Variants in ZNF385D observed in about 807,000 individuals in gnomAD.
ZNF385D encodes the protein zinc finger protein 659.
Under a neutral mutation model 35.8 loss-of-function variants are expected in ZNF385D, and 15 were observed. That is an observed-to-expected ratio of 0.42 (90% CI 0.28 to 0.64). The LOEUF is 0.64. Ranked by LOEUF, ZNF385D falls within the 30% of genes least tolerant of loss-of-function variation. ZNF385D has a pLI of 0.23. For synonymous variants in ZNF385D, 212 were observed against 186.8 expected (o/e 1.13, Z -1.10); for missense variants, 474 against 494.6 (o/e 0.96, Z 0.39).
chr3:22,030,665 T>G (rs1300332000), intron 3 of ZNF385D, among the ~76,000 whole-genome samples: 1 of 152,034 alleles, frequency 6.6e-6, no homozygotes, highest in East Asian at 1.9e-4. Context: ...GAGATTCAGG[T>G]GGTGACACAA....
intron 2 of ZNF385D, among the ~76,000 whole-genome samples, chr3:21,627,555 C>CTA (rs1218058094): frequency 6.6e-6 from 1 of 152,084 alleles, no homozygotes; most frequent in African/African-American, 2.4e-5. Context: ...CCCTGAAATT[C>CTA]TATACTCCTC....
intron 2 of ZNF385D, among the ~76,000 whole-genome samples, chr3:22,334,384 A>T (rs191426137): frequency 4.3e-4 from 65 of 152,276 alleles, no homozygotes; most frequent in African/African-American, 1.5e-3. Flanking sequence ...CTAATATGTT[A>T]GTTCCATTTA....
chr3:21,822,754 T>G (rs536646982), intron 3 of ZNF385D, among the ~76,000 whole-genome samples: 2 of 151,634 alleles, frequency 1.3e-5, no homozygotes, highest in South Asian at 4.2e-4. Flanking sequence ...GGAAAAGAAA[T>G]AAAGTATAAT....
chr3:22,192,849 C>G (rs1363878522), intron 2 of ZNF385D, among the ~76,000 whole-genome samples: 2 of 152,156 alleles, frequency 1.3e-5, no homozygotes, highest in African/African-American at 4.8e-5. Context: ...ATGAACCGAG[C>G]ACTGGGTTAA....
intron 3 of ZNF385D, among the ~76,000 whole-genome samples, chr3:21,880,326 C>G (rs1014928890): frequency 3.9e-5 from 6 of 152,096 alleles, no homozygotes; most frequent in East Asian, 1.9e-4. Context: ...TCTATTGGCA[C>G]CATTTTTCCA....
At chr3:22,264,086 G>A (rs534091218) in intron 2 of ZNF385D, among the ~76,000 whole-genome samples, 5 of 152,038 alleles carry the variant, frequency 3.3e-5, no homozygotes, top group African/African-American at 1.2e-4. Flanking sequence ...AGGAAGGTAG[G>A]AAGAAGCTAA....
intron 3 of ZNF385D, among the ~76,000 whole-genome samples, chr3:21,823,097 C>CTTCATA (rs140796991): frequency 0.11 from 16,361 of 152,048 alleles, 1,138 homozygotes; most frequent in Non-Finnish European, 0.15. Context: ...TATTGTCATA[C>CTTCATA]TGTATACATA....
chr3:22,050,121 T>C (rs1032394748), intron 3 of ZNF385D, among the ~76,000 whole-genome samples: 3 of 152,012 alleles, frequency 2.0e-5, no homozygotes, highest in Non-Finnish European at 2.9e-5. Context: ...ATCCCAACAA[T>C]TTGGGAGACC....
intron 2 of ZNF385D, among the ~76,000 whole-genome samples, chr3:21,602,517 CTTTTTTTTTTTTTTTTTT>C (rs746138066): frequency 8.0e-5 from 5 of 62,718 alleles, no homozygotes; most frequent in Admixed American, 3.0e-4. Context: ...CCTGCATTTT[CTTTTTTTTTTTTTTTTTT>C]TTTTTTTTGA....
chr3:22,178,033 C>T (rs528773478), intron 2 of ZNF385D, among the ~76,000 whole-genome samples: 14 of 152,196 alleles, frequency 9.2e-5, no homozygotes, highest in Admixed American at 5.2e-4. Flanking sequence ...TGAATACTGC[C>T]GCATTAAACA....
chr3:21,908,380 A>G (rs1362447048), intron 3 of ZNF385D, among the ~76,000 whole-genome samples: 3 of 152,112 alleles, frequency 2.0e-5, no homozygotes, highest in Non-Finnish European at 4.4e-5. Context: ...TGAGATTGGT[A>G]TTATGCTGTA....
intron 3 of ZNF385D, among the ~76,000 whole-genome samples, chr3:21,980,896 T>C (rs1248232281): frequency 6.6e-6 from 1 of 152,186 alleles, no homozygotes; most frequent in African/African-American, 2.4e-5. Context: ...AGAGATGATC[T>C]AATTCTTTTT....
At chr3:21,609,941 C>T (rs936865735) in intron 2 of ZNF385D, among the ~76,000 whole-genome samples, 1 of 152,170 alleles carries the variant, frequency 6.6e-6, no homozygotes, top group Non-Finnish European at 1.5e-5. Context: ...TAGCTTTACT[C>T]TTAAACTGTT....
chr3:21,901,855 G>A (rs574267938), intron 3 of ZNF385D, among the ~76,000 whole-genome samples: 10 of 152,264 alleles, frequency 6.6e-5, no homozygotes, highest in African/African-American at 1.9e-4. Flanking sequence ...CTTGGATAAC[G>A]AAAGAAGAAT....
chr3:21,992,535 C>A (rs1345735391), intron 3 of ZNF385D, among the ~76,000 whole-genome samples: 1 of 152,090 alleles, frequency 6.6e-6, no homozygotes, highest in Non-Finnish European at 1.5e-5. Flanking sequence ...TCCTAATTAA[C>A]CCATTTTCCA....
At chr3:21,651,437 G>A (rs1009123738) in intron 2 of ZNF385D, among the ~76,000 whole-genome samples, 1 of 151,254 alleles carries the variant, frequency 6.6e-6, no homozygotes, top group Admixed American at 6.6e-5. Context: ...CTACCATATA[G>A]TATGTCTGTG....
At chr3:21,519,649 A>C (rs538348824) in intron 3 of ZNF385D, among the ~76,000 whole-genome samples, 6 of 152,318 alleles carry the variant, frequency 3.9e-5, no homozygotes, top group Non-Finnish European at 7.3e-5. Context: ...GGCTCTGCAA[A>C]ATTTGCTCAG....
chr3:21,926,327 C>T (rs553155717), intron 3 of ZNF385D, among the ~76,000 whole-genome samples: 1 of 152,082 alleles, frequency 6.6e-6, no homozygotes, highest in South Asian at 2.1e-4. Context: ...TGCTCCCCTC[C>T]CTGTGTCCAT....
chr3:22,329,593 T>A (rs569163038), intron 2 of ZNF385D, among the ~76,000 whole-genome samples: 8 of 152,242 alleles, frequency 5.3e-5, no homozygotes, highest in African/African-American at 1.4e-4. Flanking sequence ...TAGAAAAAAA[T>A]TTACTAATGG....
Sources: gnomAD v4.1 joint callset for allele counts (sites outside exome capture counted in the v4.1 genomes callset) on GRCh38, gnomAD v4.1.1 for gene constraint, MANE v1.5 for transcripts, NCBI Gene and HGNC (gene_info 2026-07-23, HGNC 2026-07-21) for gene names.